The following PPP1R9A variants were observed in gnomAD, a reference collection of about 807,000 sequenced individuals.
PPP1R9A encodes the protein protein phosphatase 1 regulatory subunit 9A.
Under a neutral mutation model 141.9 loss-of-function variants are expected in PPP1R9A, and 59 were observed. The observed-to-expected ratio is 0.42, with a 90% CI of 0.34 to 0.52. PPP1R9A has a LOEUF of 0.52. Ranked by LOEUF, PPP1R9A falls within the 20% of genes least tolerant of loss-of-function variation. The pLI, the probability that PPP1R9A is intolerant of heterozygous loss-of-function variation, is 0.10. For missense variants in PPP1R9A, 1,444 were observed against 1,611.9 expected (o/e 0.90, Z 1.78); for synonymous variants, 500 against 569.7 (o/e 0.88, Z 1.74).
intron 18 of PPP1R9A, chr7:95,287,097 C>G: frequency 6.2e-7 from 1 of 1,610,092 alleles, no homozygotes; most frequent in Non-Finnish European, 8.5e-7. Context: ...TCTTTTATTG[C>G]TCCCTCACTC....
intron 2 of PPP1R9A, among the ~76,000 whole-genome samples, chr7:94,945,122 T>C (rs1412222453): frequency 1.3e-5 from 2 of 152,058 alleles, no homozygotes; most frequent in African/African-American, 4.8e-5. Context: ...GTATATATGA[T>C]ATATTCATAT....
chr7:95,178,267 C>A (rs1420014883), intron 5 of PPP1R9A, among the ~76,000 whole-genome samples: 1 of 152,052 alleles, frequency 6.6e-6, no homozygotes, highest in Non-Finnish European at 1.5e-5. Context: ...AATTAAATAA[C>A]CTGCTCCTGA....
At position 95,115,703 on chromosome 7, in the gene PPP1R9A, A is replaced by T. The variant is rs145665869; in HGVS notation, c.1528+4312A>T. Among the ~76,000 whole-genome samples, 917 of 152,032 alleles carry T rather than the reference A, an allele frequency of 6.0e-3. 8 individuals are homozygous for T. Among genetic ancestry groups the T allele is most frequent in the African/African-American group, 0.02 (823 of 41,494 alleles). On this transcript the variant is annotated intron_variant, in intron 3 of 19. Coordinates refer to ENST00000433360, the MANE Select transcript of PPP1R9A (RefSeq NM_001166160.2). Reference sequence around the variant, plus strand: ...GGAGGCTGAGATGGGCGGATCACGAAATCAGGAGGCTGAGACCATCCTGGC... The same window carrying T: ...GGAGGCTGAGATGGGCGGATCACGATATCAGGAGGCTGAGACCATCCTGGC...
intron 2 of PPP1R9A, among the ~76,000 whole-genome samples, chr7:95,085,123 C>T (rs941505206): frequency 7.9e-5 from 12 of 151,898 alleles, no homozygotes; most frequent in Non-Finnish European, 1.8e-4. Context: ...ATTTATATTG[C>T]CTATTACTAG....
intron 4 of PPP1R9A, among the ~76,000 whole-genome samples, chr7:95,140,076 A>G (rs1826371356): frequency 6.6e-6 from 1 of 152,208 alleles, no homozygotes; most frequent in Non-Finnish European, 1.5e-5. Context: ...AAGTGAACCC[A>G]GCTCTTGCTA....
At chr7:95,073,656 C>A in intron 2 of PPP1R9A, among the ~76,000 whole-genome samples, 1 of 121,798 alleles carries the variant, frequency 8.2e-6, no homozygotes. Context: ...TGTCAAGGCT[C>A]ACACACCAGA....
chr7:95,020,649 T>C (rs1805815622), intron 2 of PPP1R9A, among the ~76,000 whole-genome samples: 1 of 152,032 alleles, frequency 6.6e-6, no homozygotes, highest in Non-Finnish European at 1.5e-5. Flanking sequence ...ACAGGCCCCT[T>C]CTTGTGTCCA....
rs1795110407 is a variant in PPP1R9A, at chr7:95,226,074, A to G, written c.2070A>G (p.Pro690=). The G allele has an allele frequency of 6.2e-7, 1 of 1,613,610 alleles. No homozygotes were observed. Among genetic ancestry groups the G allele is most frequent in the Non-Finnish European group, 8.5e-7 (1 of 1,179,624 alleles). Residue 690 remains proline, a synonymous_variant, in exon 8 of 20, where the codon CCA becomes CCG. Transcript: ENST00000433360. ...CTGAGAATGAGGACATGTTTTCCCC[A>G]TCAGAACTGGACACAAGCAAGCTCA... The part of the protein sequence containing the change: ...ELPENEDMFS[P]SELDTSKLSH...
intron 18 of PPP1R9A, chr7:95,287,127 T>C (rs763215396): frequency 9.3e-6 from 15 of 1,613,404 alleles, no homozygotes; most frequent in African/African-American, 1.3e-5. Context: ...ATATGATAGA[T>C]GACGAGGTGA....
chr7:95,047,277 C>T (rs1372422069), intron 2 of PPP1R9A, among the ~76,000 whole-genome samples: 3 of 152,126 alleles, frequency 2.0e-5, no homozygotes, highest in South Asian at 2.1e-4. Flanking sequence ...AGCAGTGTTT[C>T]GGCACAAATG....
intron 7 of PPP1R9A, among the ~76,000 whole-genome samples, chr7:95,222,782 T>TAGAA: frequency 6.6e-6 from 1 of 152,076 alleles, no homozygotes; most frequent in Admixed American, 6.6e-5. Context: ...TTGTTCATCT[T>TAGAA]CCTTTGTAAA....
At chr7:94,946,106 A>T (rs1795866262) in intron 2 of PPP1R9A, among the ~76,000 whole-genome samples, 1 of 152,150 alleles carries the variant, frequency 6.6e-6, no homozygotes, top group South Asian at 2.1e-4. Flanking sequence ...ATCTAATAGG[A>T]TAGCAAATAT....
At chr7:95,263,051 A>G (rs1437616718) in intron 12 of PPP1R9A, among the ~76,000 whole-genome samples, 1 of 152,132 alleles carries the variant, frequency 6.6e-6, no homozygotes, top group Non-Finnish European at 1.5e-5. Flanking sequence ...ATCACCACAG[A>G]TGTAATGAAA....
chr7:95,123,439 C>T (rs998881591), intron 4 of PPP1R9A, among the ~76,000 whole-genome samples: 6 of 152,000 alleles, frequency 3.9e-5, no homozygotes, highest in Admixed American at 2.6e-4. Flanking sequence ...ACCTGAGGTC[C>T]GGAGTTCGAG....
intron 2 of PPP1R9A, among the ~76,000 whole-genome samples, chr7:94,935,384 G>A (rs996017901): frequency 3.9e-5 from 6 of 152,166 alleles, no homozygotes; most frequent in African/African-American, 1.4e-4. Context: ...GTAGATATTA[G>A]GGAGCATTGT....
chr7:95,131,845 G>A (rs1824696088), intron 4 of PPP1R9A, among the ~76,000 whole-genome samples: 1 of 151,858 alleles, frequency 6.6e-6, no homozygotes. Flanking sequence ...TCCATTTGTT[G>A]TTGTCATCTA....
In PPP1R9A at chr7:94,910,158, T is replaced by G; in HGVS notation, c.45T>G (p.Ser15Arg). 1.2e-6 allele frequency: 2 copies of G among 1,613,948 alleles called. No homozygotes were observed. The change falls in exon 2 of 20, where the codon AGT (serine) becomes AGG (arginine). Residue 15 changes from serine (S) to arginine (R), a missense_variant. Physicochemically the swap from Ser to Arg is moderately radical, Grantham distance 110 (BLOSUM62 -1). Coordinates refer to ENST00000433360, the MANE Select transcript of PPP1R9A (RefSeq NM_001166160.2). The surrounding 1 kb of genome is among the most constrained non-coding windows in gnomAD (Gnocchi z 4.5). The part of the protein sequence containing the change: ...ESSGERTTLR[S>R]ASPHRNAYRT... ...CAGGTGAACGAACCACTCTCAGAAG[T>G]GCCTCTCCTCACAGGAATGCATATC...
At chr7:94,943,460 C>T (rs1420481967) in intron 2 of PPP1R9A, among the ~76,000 whole-genome samples, 1 of 152,154 alleles carries the variant, frequency 6.6e-6, no homozygotes, top group Non-Finnish European at 1.5e-5. Flanking sequence ...TGAATGAGTT[C>T]AGGTTCTTAG....
At chr7:95,087,171 A>G (rs1264333977) in intron 2 of PPP1R9A, among the ~76,000 whole-genome samples, 1 of 152,006 alleles carries the variant, frequency 6.6e-6, no homozygotes, top group African/African-American at 2.4e-5. Context: ...TAGTTGCGCT[A>G]CGATTGTGAA....
Sources: gnomAD v4.1 joint callset for allele counts (sites outside exome capture counted in the v4.1 genomes callset) on GRCh38, gnomAD v4.1.1 for gene constraint, Gnocchi (gnomAD v3.1) non-coding constraint, MANE v1.5 for transcripts, NCBI Gene and HGNC (gene_info 2026-07-23, HGNC 2026-07-21) for gene names.